The following SOD3 variants were observed in gnomAD, a reference collection of about 807,000 sequenced individuals.
SOD3 encodes the protein superoxide dismutase 3.
SOD3 carries 3 observed loss-of-function variants against 2.6 expected under a neutral mutation model. The ratio of observed to expected loss-of-function variants is 1.13; its 90% CI spans 0.52 to 2.93. The LOEUF (loss-of-function observed/expected upper bound fraction) is 2.93. Among genes scored for constraint, SOD3 ranks in the 30% most tolerant of loss-of-function variants. The pLI is 0.04. For missense variants in SOD3, 379 were observed against 370.4 expected, an observed-to-expected ratio of 1.02 and a Z score of -0.19; for synonymous variants, 188 against 177.5, an observed-to-expected ratio of 1.06 and a Z score of -0.47.
rs377252928 is a variant in SOD3 at position 24,799,834 on chromosome 4, G to A, written c.313G>A (p.Glu105Lys). The change falls in exon 2 of 2, where the codon GAG becomes AAG. Residue 105 changes from glutamate to lysine, a missense_variant. Coordinates refer to ENST00000382120, the MANE Select transcript of SOD3 (RefSeq NM_003102.4). ...AFFALEGFPT[E>K]PNSSSRAIHV... ...CTTCGCCCTGGAGGGCTTCCCGACC[G>A]AGCCGAACAGCTCCAGCCGCGCCAT... 1.1e-5 allele frequency: 17 copies of A among 1,601,178 alleles called. No homozygotes were observed. Among genetic ancestry groups the A allele is most frequent in the Non-Finnish European group, 1.4e-5 (17 of 1,178,970 alleles).
Position 24,800,468 on chromosome 4 carries a change from G to A in SOD3, c.*224G>A. 1 of 402,846 alleles carries A rather than the reference G, an allele frequency of 2.5e-6. No individual in the cohort carries two copies. 25.0% of individuals were successfully genotyped at this position (402,846 alleles called of 1,614,324 possible). Reference sequence around the variant, plus strand: ...TCGGAGCCCCCCACTCAGTAGGTCTGAAGGCCTCCATTTGTACCGAAACAC... The same window carrying A: ...TCGGAGCCCCCCACTCAGTAGGTCTAAAGGCCTCCATTTGTACCGAAACAC... On this transcript the variant is annotated 3_prime_UTR_variant, in exon 2 of 2. Transcript: ENST00000382120.
rs1560190491 is a variant in SOD3 at position 24,800,649 on chromosome 4, G to C, written c.*405G>C. The C allele has an allele frequency of 5.9e-6, 1 of 170,478 alleles. No homozygotes were observed. The highest frequency in any genetic ancestry group is 1.4e-5 in the Non-Finnish European group (1 of 71,720). The allele number at this position is 170,478 out of a possible 1,614,324, so 10.6% of individuals were successfully genotyped here. ...TCCTAGGCGCTCAGAGGCCGCTCTG[G>C]GGGGTTGCCTCGAGTCCCCCCACCC... On this transcript the variant is annotated 3_prime_UTR_variant, in exon 2 of 2. Coordinates refer to ENST00000382120, the MANE Select transcript of SOD3 (RefSeq NM_003102.4).
intron 1 of SOD3, among the ~76,000 whole-genome samples, chr4:24,797,158 A>G (rs1049347201): frequency 3.8e-5 from 2 of 52,632 alleles, no homozygotes; most frequent in Non-Finnish European, 7.7e-5. Flanking sequence ...AATGGTCCTT[A>G]AAATCTCTAC....
At chr4:24,797,372 GTTTCCTACAC>G (rs1359466244) in intron 1 of SOD3, among the ~76,000 whole-genome samples, 1 of 152,186 alleles carries the variant, frequency 6.6e-6, no homozygotes, top group Admixed American at 6.5e-5. Flanking sequence ...CTGTGCCTCA[GTTTCCTACAC>G]TTTAGAATGG....
Position 24,799,585 on chromosome 4 carries a change from G to T in SOD3, c.64G>T (p.Glu22Ter). 1 of 1,603,436 alleles carries T rather than the reference G, an allele frequency of 6.2e-7. No individual in the cohort carries two copies. The highest frequency in any genetic ancestry group is 8.5e-7 in the Non-Finnish European group (1 of 1,178,788). The change falls in exon 2 of 2, where the codon GAG becomes TAG. Residue 22 changes from glutamate (E) to a stop codon, truncating the protein, a stop_gained. Transcript: ENST00000382120. LOFTEE classifies it low-confidence loss of function (END_TRUNC). ...CGGTGCCTCGGACGCCTGGACGGGCGAGGACTCGGCGGAGCCCAACTCTGA... is the reference window on the plus strand; with the variant it reads ...CGGTGCCTCGGACGCCTGGACGGGCTAGGACTCGGCGGAGCCCAACTCTGA... ...AAGASDAWTG[E>*]DSAEPNSDSA...
In SOD3 at chr4:24,799,940, C is replaced by T; in HGVS notation, c.419C>T (p.Pro140Leu). 2 of 1,594,888 alleles carry T rather than the reference C, an allele frequency of 1.3e-6. No individual in the cohort carries two copies. Among genetic ancestry groups the T allele is most frequent in the Non-Finnish European group, 8.5e-7 (1 of 1,177,264 alleles). The change falls in exon 2 of 2, where the codon CCG (proline) becomes CTG (leucine). Residue 140 changes from proline to leucine, a missense_variant. Transcript: ENST00000382120. Reference protein sequence around the residue: ...PHYNPLAVPHPQHPGDFGNFA... With the variant: ...PHYNPLAVPHLQHPGDFGNFA... ...TACAACCCGCTGGCCGTGCCGCACC[C>T]GCAGCACCCGGGCGACTTCGGCAAC...
chr4:24,799,389 G>C, intron 1 of SOD3, 117 bp from the exon 2 acceptor site: 1 of 1,236,666 alleles, frequency 8.1e-7, no homozygotes, highest in African/African-American at 1.5e-5. Context: ...TGCCCACTGG[G>C]CCAGGAAGCC....
At chr4:24,799,477 GC>G in intron 1 of SOD3, 28 bp from the exon 2 acceptor site, 2 of 1,589,936 alleles carry the variant, frequency 1.3e-6, no homozygotes, top group Non-Finnish European at 1.7e-6. Flanking sequence ...GCCTCACTCT[GC>G]CCCCACCTCC....
At chr4:24,796,430 C>CTTT (rs1203564280) in intron 1 of SOD3, among the ~76,000 whole-genome samples, 3 of 102,996 alleles carry the variant, frequency 2.9e-5, no homozygotes, top group Non-Finnish European at 5.8e-5. Flanking sequence ...CCTCCTCCTT[C>CTTT]TTCTCTTTTT....
intron 1 of SOD3, 143 bp from the exon 2 acceptor site, chr4:24,799,363 T>G: frequency 1.1e-6 from 1 of 934,234 alleles, no homozygotes; most frequent in Non-Finnish European, 1.6e-6. Flanking sequence ...AGACAAACGT[T>G]TGCCACATGA....
rs747381585 is a variant in SOD3 at position 24,799,915 on chromosome 4, T to C, written c.394T>C (p.Tyr132His). 2 of 1,599,326 alleles carry C rather than the reference T, an allele frequency of 1.3e-6. No individual in the cohort carries two copies. The highest frequency in any genetic ancestry group is 4.5e-5 in the East Asian group (2 of 44,656). Reference protein sequence around the residue: ...SQGCESTGPHYNPLAVPHPQH... With the variant: ...SQGCESTGPHHNPLAVPHPQH... Reference sequence around the variant, plus strand: ...GGGCTGCGAGTCCACCGGGCCCCACTACAACCCGCTGGCCGTGCCGCACCC... The same window carrying C: ...GGGCTGCGAGTCCACCGGGCCCCACCACAACCCGCTGGCCGTGCCGCACCC... The change falls in exon 2 of 2, where the codon TAC becomes CAC. Residue 132 changes from tyrosine (Y) to histidine (H), a missense_variant. By Grantham distance (83) the Tyr-to-His change is moderately conservative. Coordinates refer to ENST00000382120, the MANE Select transcript of SOD3 (RefSeq NM_003102.4).
At position 24,800,198 on chromosome 4, in the gene SOD3, CAG is replaced by C; in HGVS notation, c.680_681del (p.Glu227AlafsTer33). 1 of 1,434,318 alleles carries C rather than the reference CAG, an allele frequency of 7.0e-7. No homozygotes were observed. The highest frequency in any genetic ancestry group is 9.1e-7 in the Non-Finnish European group (1 of 1,100,474). 88.8% of individuals were successfully genotyped at this position (1,434,318 alleles called of 1,614,324 possible). A position where few individuals can be genotyped will look rare whatever the true frequency, so the allele number is the denominator to read the frequency against. ...TGGGAGCGCCAGGCGCGGGAGCACT[CAG>C]AGCGCAAGAAGCGGCGGCGCGAGAG... On this transcript the variant is annotated frameshift_variant, in exon 2 of 2. Coordinates refer to ENST00000382120, the MANE Select transcript of SOD3 (RefSeq NM_003102.4). LOFTEE classifies it high-confidence loss of function.
intron 1 of SOD3, among the ~76,000 whole-genome samples, chr4:24,799,112 T>C (rs1014818270): frequency 8.6e-5 from 13 of 152,010 alleles, no homozygotes; most frequent in Non-Finnish European, 1.6e-4. Context: ...CTTAGGGATG[T>C]CTGTGGGGGA....
At chr4:24,795,745 A>T (rs550207053) in intron 1 of SOD3, 94 bp downstream of exon 1, 1 of 152,368 alleles carries the variant, frequency 6.6e-6, no homozygotes. Flanking sequence ...CTTGGGAACA[A>T]ATTGGATCAT....
Position 24,800,154 on chromosome 4 carries a change from C to A in SOD3, c.633C>A (p.Gly211=). 7.2e-7 allele frequency: 1 copy of A among 1,392,678 alleles called. No homozygotes were observed. The highest frequency in any genetic ancestry group is 1.6e-5 in the South Asian group (1 of 61,652). 86.3% of individuals were successfully genotyped at this position (1,392,678 alleles called of 1,614,324 possible). A position where few individuals can be genotyped will look rare whatever the true frequency, so the allele number is the denominator to read the frequency against. ...AGRRLACCVV[G]VCGPGLWERQ... ...GGCGGCTGGCCTGCTGCGTGGTGGG[C>A]GTGTGCGGGCCCGGGCTCTGGGAGC... is the stretch of plus-strand genomic sequence containing the variant. The change falls in exon 2 of 2, where the codon GGC becomes GGA. Residue 211 remains glycine, a synonymous_variant. Coordinates refer to ENST00000382120, the MANE Select transcript of SOD3 (RefSeq NM_003102.4).
In SOD3 at chr4:24,800,141, G is replaced by C; in HGVS notation, c.620G>C (p.Cys207Ser). 1 of 1,386,632 alleles carries C rather than the reference G, an allele frequency of 7.2e-7. No homozygotes were observed. Among genetic ancestry groups the C allele is most frequent in the Non-Finnish European group, 9.2e-7 (1 of 1,081,190 alleles). The allele number at this position is 1,386,632 out of a possible 1,614,324, so 85.9% of individuals were successfully genotyped here. Residue 207 changes from cysteine (C) to serine (S), a missense_variant, in exon 2 of 2, where the codon TGC becomes TCC. Transcript: ENST00000382120. ...GGGAACGCGGGCCGGCGGCTGGCCT[G>C]CTGCGTGGTGGGCGTGTGCGGGCCC... ...ENGNAGRRLA[C>S]CVVGVCGPGL...
chr4:24,797,610 T>G (rs1408104785), intron 1 of SOD3, among the ~76,000 whole-genome samples: 1 of 152,212 alleles, frequency 6.6e-6, no homozygotes, highest in Non-Finnish European at 1.5e-5. Flanking sequence ...CAGTCTGCAG[T>G]CCAGCAATTA....
At chr4:24,799,242 A>T (rs905332066) in intron 1 of SOD3, among the ~76,000 whole-genome samples, 4 of 152,136 alleles carry the variant, frequency 2.6e-5, no homozygotes, top group Admixed American at 6.5e-5. Context: ...ATGGGACTGG[A>T]GAGGACGATG....
Position 24,800,244 on chromosome 4 carries a change from A to G in SOD3, c.723A>G (p.Ter241TrpextTer31). 1 of 1,393,566 alleles carries G rather than the reference A, an allele frequency of 7.2e-7. No individual in the cohort carries two copies. Among genetic ancestry groups the G allele is most frequent in the Non-Finnish European group, 9.3e-7 (1 of 1,078,328 alleles). The allele number at this position is 1,393,566 out of a possible 1,614,324, so 86.3% of individuals were successfully genotyped here. ...RRRESECKAA[*>W] ...GCGAGAGCGAGTGCAAGGCCGCCTGAGCGCGGCCCCCACCCGGCGGCGGCC... is the reference window on the plus strand; with the variant it reads ...GCGAGAGCGAGTGCAAGGCCGCCTGGGCGCGGCCCCCACCCGGCGGCGGCC... The change falls in exon 2 of 2, where the codon TGA becomes TGG. Residue 241 changes from the stop codon to tryptophan (W), a stop_lost. Transcript: ENST00000382120.
Sources: allele counts gnomAD v4.1 joint callset (sites outside exome capture counted in the v4.1 genomes callset), GRCh38; gene constraint gnomAD v4.1.1; transcripts MANE v1.5; gene names NCBI Gene and HGNC (gene_info 2026-07-23, HGNC 2026-07-21).